JAKMIP1: variants seen among roughly 807,000 people sequenced by gnomAD.
JAKMIP1 encodes janus kinase and microtubule-interacting protein 1.
In JAKMIP1, 33 loss-of-function variants were observed where a neutral mutation model predicts 113.0. That is an observed-to-expected ratio of 0.29 (90% CI 0.22 to 0.39). The LOEUF is 0.39. Among genes scored for constraint, JAKMIP1 ranks in the 10% least tolerant of loss-of-function variants. The pLI is 1.00. For missense variants in JAKMIP1, 813 were observed against 1,080.5 expected, an observed-to-expected ratio of 0.75 and a Z score of 3.47; for synonymous variants, 480 against 459.9, an observed-to-expected ratio of 1.04 and a Z score of -0.56.
chr4:6,106,101 T>C lies in JAKMIP1; in HGVS notation c.130-134A>G. The stretch of plus-strand genomic sequence containing the variant: ...CCACCTGGGCCCACGTTCCCATGGA[T>C]TCCCCCTTCGGCAGTGCCCTGCAGG... On this transcript the variant is annotated intron_variant, in intron 2 of 20. Coordinates refer to ENST00000409021, the MANE Select transcript of JAKMIP1 (RefSeq NM_001099433.2). The surrounding 1 kb of genome is among the most constrained non-coding windows in gnomAD (Gnocchi z 5.9). The C allele has an allele frequency of 1.6e-6, 1 of 627,756 alleles. No individual in the cohort carries two copies. The highest frequency in any genetic ancestry group is 2.0e-5 in the South Asian group (1 of 50,590). The allele number at this position is 627,756 out of a possible 1,614,324, so 38.9% of individuals were successfully genotyped here. A position where few individuals can be genotyped will look rare whatever the true frequency, so the allele number is the denominator to read the frequency against.
intron 3 of JAKMIP1, among the ~76,000 whole-genome samples, chr4:6,103,788 T>C (rs896452803): frequency 2.6e-5 from 4 of 152,248 alleles, no homozygotes. Flanking sequence ...TATTGGTATA[T>C]GCTGTTTGCT....
In JAKMIP1 at chr4:6,197,720, T is replaced by C. The variant is rs371646585; in HGVS notation, c.-148+2533A>G. ...GTTAGAAAGCCCAGCAGGGAGGCACTTGCCCAGTCACAGCTAAGTGAGGCA... is the reference window on the plus strand; with the variant it reads ...GTTAGAAAGCCCAGCAGGGAGGCACCTGCCCAGTCACAGCTAAGTGAGGCA... On this transcript the variant is annotated intron_variant, in intron 1 of 20. Transcript: ENST00000409021. This position sits in a 1 kb window ranked among gnomAD's most constrained non-coding sequence, Gnocchi z 6.5. 1.8e-4 allele frequency among the ~76,000 whole-genome samples: 28 copies of C among 152,208 alleles called. No homozygotes were observed. The highest frequency in any genetic ancestry group is 6.8e-4 in the African/African-American group (28 of 41,434).
At position 6,031,518 on chromosome 4, in the gene JAKMIP1, G is replaced by T. The variant is rs1712657272; in HGVS notation, c.2380-1737C>A. 6.6e-6 allele frequency among the ~76,000 whole-genome samples: 1 copy of T among 152,156 alleles called. No homozygotes were observed. Among genetic ancestry groups the T allele is most frequent in the Non-Finnish European group, 1.5e-5 (1 of 68,032 alleles). Reference sequence around the variant, plus strand: ...TTAGTTCACCAGATGCACAAGAGGGGAAAGGAATTCCAGGCAGAGGGAACG... The same window carrying T: ...TTAGTTCACCAGATGCACAAGAGGGTAAAGGAATTCCAGGCAGAGGGAACG... On this transcript the variant is annotated intron_variant, in intron 19 of 20. Transcript: ENST00000409021. This position sits in a 1 kb window ranked among gnomAD's most constrained non-coding sequence, Gnocchi z 4.4.
Position 6,179,761 on chromosome 4 carries a change from A to G in JAKMIP1, c.-148+20492T>C, listed in dbSNP as rs1443393575. ...TTCTATGCCAGGTAGTATGCTGGGTACACCTCATCTCAATCCATCCTCAAA... is the reference window on the plus strand; with the variant it reads ...TTCTATGCCAGGTAGTATGCTGGGTGCACCTCATCTCAATCCATCCTCAAA... On this transcript the variant is annotated intron_variant, in intron 1 of 20. Coordinates refer to ENST00000409021, the MANE Select transcript of JAKMIP1 (RefSeq NM_001099433.2). This position sits in a 1 kb window ranked among gnomAD's most constrained non-coding sequence, Gnocchi z 4.5. 1.3e-5 allele frequency among the ~76,000 whole-genome samples: 2 copies of G among 152,226 alleles called. No homozygotes were observed. Among genetic ancestry groups the G allele is most frequent in the Non-Finnish European group, 2.9e-5 (2 of 68,048 alleles).
At chr4:6,113,475 C>T (rs1256644839) in intron 1 of JAKMIP1, among the ~76,000 whole-genome samples, 6 of 152,272 alleles carry the variant, frequency 3.9e-5, no homozygotes, top group South Asian at 4.2e-4. Flanking sequence ...TGGAGCAGGG[C>T]GTGAGGACCA....
intron 1 of JAKMIP1, among the ~76,000 whole-genome samples, chr4:6,132,653 A>AAT (rs1553848579): frequency 6.8e-5 from 9 of 131,628 alleles, no homozygotes; most frequent in Admixed American, 6.0e-4. Flanking sequence ...AAAATAAAAA[A>AAT]AAAAAAAAAG....
chr4:6,158,027 G>A lies in JAKMIP1; in HGVS notation c.-148+42226C>T, dbSNP rs1722463210. 6.6e-6 allele frequency among the ~76,000 whole-genome samples: 1 copy of A among 152,146 alleles called. No individual in the cohort carries two copies. The highest frequency in any genetic ancestry group is 1.5e-5 in the Non-Finnish European group (1 of 68,036). The stretch of plus-strand genomic sequence containing the variant: ...GAGTTATCTGGGCCACATTTCCAGG[G>A]CTATGTGCTATGAGGTAGGGCTCAA... On this transcript the variant is annotated intron_variant, in intron 1 of 20. Coordinates refer to ENST00000409021, the MANE Select transcript of JAKMIP1 (RefSeq NM_001099433.2). The surrounding 1 kb of genome is among the most constrained non-coding windows in gnomAD (Gnocchi z 5.3).
chr4:6,114,624 G>A (rs1435120730), intron 1 of JAKMIP1, among the ~76,000 whole-genome samples: 6 of 152,370 alleles, frequency 3.9e-5, no homozygotes, highest in Non-Finnish European at 7.3e-5. Flanking sequence ...TCCTGAACAG[G>A]AGAGAGGGGT....
chr4:6,174,954 T>G (rs1725165193), intron 1 of JAKMIP1, among the ~76,000 whole-genome samples: 1 of 152,204 alleles, frequency 6.6e-6, no homozygotes, highest in Non-Finnish European at 1.5e-5. Context: ...CTCTTGATCT[T>G]GGTGATGGCC....
chr4:6,146,545 C>T (rs1337365632), intron 1 of JAKMIP1, among the ~76,000 whole-genome samples: 1 of 152,182 alleles, frequency 6.6e-6, no homozygotes, highest in East Asian at 1.9e-4. Flanking sequence ...CCTCCCGCCT[C>T]AGCCTCCCAA....
In JAKMIP1 at chr4:6,200,539, C is replaced by A. The variant is rs1272088843; in HGVS notation, c.-434G>T. 1 of 150,220 alleles carries A rather than the reference C, an allele frequency of 6.7e-6. No individual in the cohort carries two copies. Among genetic ancestry groups the A allele is most frequent in the Non-Finnish European group, 1.5e-5 (1 of 67,384 alleles). 9.3% of individuals were successfully genotyped at this position (150,220 alleles called of 1,614,324 possible). On this transcript the variant is annotated 5_prime_UTR_variant, in exon 1 of 21. Transcript: ENST00000409021. The surrounding 1 kb of genome is among the most constrained non-coding windows in gnomAD (Gnocchi z 7.0). ...GGGCAGGCGGCCGGCGCGTGCCGCA[C>A]GCGGGTGGCTGCAGCTCCCTCGGTC...
intron 3 of JAKMIP1, among the ~76,000 whole-genome samples, chr4:6,090,043 G>A (rs937369923): frequency 1.3e-5 from 2 of 152,116 alleles, no homozygotes; most frequent in African/African-American, 4.8e-5. Flanking sequence ...CCAACATGGT[G>A]AAACTCTGTC....
At chr4:6,113,297 C>T (rs1318634467) in intron 1 of JAKMIP1, among the ~76,000 whole-genome samples, 1 of 152,186 alleles carries the variant, frequency 6.6e-6, no homozygotes. Context: ...AGGATGAGAC[C>T]AGCCCATCTC....
intron 1 of JAKMIP1, among the ~76,000 whole-genome samples, chr4:6,173,270 G>A (rs1724961169): frequency 6.6e-6 from 1 of 152,124 alleles, no homozygotes; most frequent in Non-Finnish European, 1.5e-5. Context: ...ATCTTACAAG[G>A]CAATCAAACT....
At chr4:6,037,550 G>A (rs1459439914) in intron 18 of JAKMIP1, among the ~76,000 whole-genome samples, 17 of 129,170 alleles carry the variant, frequency 1.3e-4, no homozygotes, top group East Asian at 2.4e-4. Flanking sequence ...GAGGCTAACC[G>A]GTATCCCTCC....
At chr4:6,053,925 A>G in intron 13 of JAKMIP1, 125 bp downstream of exon 13, 4 of 1,548,992 alleles carry the variant, frequency 2.6e-6, no homozygotes, top group Non-Finnish European at 3.5e-6. Flanking sequence ...AAAGAAAGAA[A>G]GAAACTATAA....
intron 16 of JAKMIP1, among the ~76,000 whole-genome samples, chr4:6,045,942 A>T (rs1714931896): frequency 6.6e-6 from 1 of 152,212 alleles, no homozygotes; most frequent in Non-Finnish European, 1.5e-5. Flanking sequence ...GTATGGAATG[A>T]CAATTTTTAA....
At chr4:6,103,132 T>C (rs1713359091) in intron 3 of JAKMIP1, among the ~76,000 whole-genome samples, 1 of 152,218 alleles carries the variant, frequency 6.6e-6, no homozygotes, top group Non-Finnish European at 1.5e-5. Flanking sequence ...TCATTATGTA[T>C]GTTACTTGTA....
At position 6,105,944 on chromosome 4, in the gene JAKMIP1, C is replaced by A; in HGVS notation, c.153G>T (p.Leu51=). ...KSKVGKLRER[L]QEAKLEREQE... is the part of the protein sequence containing the mutation. ...GCTCGCGCTCCAGCTTCGCCTCCTG[C>A]AGCCGCTCGCGCAGTTTGCCCACCT... Residue 51 remains leucine (L), a synonymous_variant, in exon 3 of 21, where the codon CTG becomes CTT. Coordinates refer to ENST00000409021, the MANE Select transcript of JAKMIP1 (RefSeq NM_001099433.2). 6.2e-7 allele frequency: 1 copy of A among 1,604,702 alleles called. No individual in the cohort carries two copies. Among genetic ancestry groups the A allele is most frequent in the Non-Finnish European group, 8.5e-7 (1 of 1,176,606 alleles).
Sources: allele counts gnomAD v4.1 joint callset (sites outside exome capture counted in the v4.1 genomes callset), GRCh38; gene constraint gnomAD v4.1.1; non-coding constraint Gnocchi (gnomAD v3.1); transcripts MANE v1.5; gene names NCBI Gene and HGNC (gene_info 2026-07-23, HGNC 2026-07-21).